LNX1: variants seen among roughly 807,000 people sequenced by gnomAD.
The protein encoded by LNX1 is E3 ubiquitin-protein ligase LNX.
LNX1 carries 54 observed loss-of-function variants against 68.4 expected under a neutral mutation model. That is an observed-to-expected ratio of 0.79 (90% CI 0.63 to 0.99). The LOEUF is 0.99. Among genes scored for constraint, LNX1 ranks in the 50% least tolerant of loss-of-function variants. The pLI is 0.00. For synonymous variants in LNX1, 336 were observed against 350.0 expected, an observed-to-expected ratio of 0.96 and a Z score of 0.45; for missense variants, 906 against 926.4, an observed-to-expected ratio of 0.98 and a Z score of 0.29.
At chr4:53,618,058 A>G (rs552261060), upstream of LNX1, among the ~76,000 whole-genome samples, 24 of 152,322 alleles carry the variant, frequency 1.6e-4, no homozygotes, top group South Asian at 5.0e-3. Context: ...TTTTATAATC[A>G]AAAGATACTG....
intron 2 of LNX1, among the ~76,000 whole-genome samples, chr4:53,545,471 C>T (rs982003038): frequency 1.3e-5 from 2 of 152,166 alleles, no homozygotes; most frequent in African/African-American, 4.8e-5. Flanking sequence ...TCCAGGCTGG[C>T]TGGATTACCT....
At chr4:53,648,181 C>T (rs1734960971) in intron 1 of LNX1, among the ~76,000 whole-genome samples, 1 of 152,206 alleles carries the variant, frequency 6.6e-6, no homozygotes, top group Non-Finnish European at 1.5e-5. Flanking sequence ...ACCACCATAC[C>T]ATGTTACACA....
intron 1 of LNX1, among the ~76,000 whole-genome samples, chr4:53,628,075 G>A (rs1347940567): frequency 1.3e-5 from 2 of 152,186 alleles, no homozygotes. Context: ...TCAAGTGGGA[G>A]TGAAAATTAA....
At chr4:53,603,246 T>C (rs563789798) in intron 2 of LNX1, among the ~76,000 whole-genome samples, 6 of 152,324 alleles carry the variant, frequency 3.9e-5, no homozygotes, top group South Asian at 4.1e-4. Flanking sequence ...GACTCCTCAC[T>C]GCATGTGAGG....
At chr4:53,582,002 G>C (rs1560679960) in intron 1 of LNX1, among the ~76,000 whole-genome samples, 1 of 152,056 alleles carries the variant, frequency 6.6e-6, no homozygotes, top group Non-Finnish European at 1.5e-5. Flanking sequence ...TAGGATTACT[G>C]AATTTTTCTG....
chr4:53,588,091 AGT>A (rs1347624558), intron 1 of LNX1, among the ~76,000 whole-genome samples: 1 of 152,262 alleles, frequency 6.6e-6, no homozygotes, highest in Non-Finnish European at 1.5e-5. Context: ...ATATAACAAT[AGT>A]TAACACTCAC....
intron 2 of LNX1, among the ~76,000 whole-genome samples, chr4:53,532,413 T>C (rs936464083): frequency 1.3e-5 from 2 of 152,034 alleles, no homozygotes; most frequent in African/African-American, 4.8e-5. Flanking sequence ...AGGCAGAGGT[T>C]GTAGTGAGCC....
intron 4 of LNX1, among the ~76,000 whole-genome samples, chr4:53,499,672 T>G (rs1316118986): frequency 6.6e-6 from 1 of 152,226 alleles, no homozygotes; most frequent in Non-Finnish European, 1.5e-5. Flanking sequence ...AATTTGCCAC[T>G]TTGCCCTCTC....
intron 2 of LNX1, among the ~76,000 whole-genome samples, chr4:53,535,171 G>A (rs993638692): frequency 2.0e-5 from 3 of 152,198 alleles, no homozygotes; most frequent in Non-Finnish European, 2.9e-5. Context: ...TGTAATCAAA[G>A]TCGTATGAGA....
intron 1 of LNX1, among the ~76,000 whole-genome samples, chr4:53,580,231 G>A (rs1343607716): frequency 2.0e-5 from 3 of 152,066 alleles, no homozygotes; most frequent in South Asian, 2.1e-4. Context: ...AAGTGCCACC[G>A]TTACCCTAGG....
intron 1 of LNX1, among the ~76,000 whole-genome samples, chr4:53,622,514 G>T (rs915197311): frequency 6.6e-6 from 1 of 151,752 alleles, no homozygotes; most frequent in Non-Finnish European, 1.5e-5. Flanking sequence ...CTCACCCCAG[G>T]GCTAGCAATG....
chr4:53,484,057 G>A (rs1724127500), intron 6 of LNX1, among the ~76,000 whole-genome samples: 1 of 152,150 alleles, frequency 6.6e-6, no homozygotes, highest in Admixed American at 6.5e-5. Flanking sequence ...ACCATGTAAG[G>A]ACAAAGTGAG....
chr4:53,632,566 G>T (rs1436327074), intron 1 of LNX1, among the ~76,000 whole-genome samples: 2 of 152,194 alleles, frequency 1.3e-5, no homozygotes, highest in African/African-American at 4.8e-5. Flanking sequence ...CATGTTCCCT[G>T]TCGGATCAGG....
intron 9 of LNX1, among the ~76,000 whole-genome samples, chr4:53,464,098 T>G (rs1488051495): frequency 6.6e-6 from 1 of 152,264 alleles, no homozygotes; most frequent in East Asian, 1.9e-4. Flanking sequence ...TGTAGGATGT[T>G]TTGAGCTCTG....
At chr4:53,601,635 G>C (rs1197116877) in intron 2 of LNX1, among the ~76,000 whole-genome samples, 1 of 152,154 alleles carries the variant, frequency 6.6e-6, no homozygotes, top group East Asian at 1.9e-4. Flanking sequence ...TGGCTGCGGG[G>C]GTTTGGCAGA....
intron 9 of LNX1, among the ~76,000 whole-genome samples, chr4:53,466,170 C>A (rs1008966510): frequency 3.3e-5 from 5 of 151,602 alleles, no homozygotes; most frequent in African/African-American, 1.2e-4. Flanking sequence ...AAAAAAATCA[C>A]ATATTATTTG....
intron 1 of LNX1, among the ~76,000 whole-genome samples, chr4:53,575,090 T>A (rs1731401518): frequency 6.6e-6 from 1 of 152,060 alleles, no homozygotes; most frequent in African/African-American, 2.4e-5. Flanking sequence ...CAAGTGATTC[T>A]CCTGCCTCAG....
At chr4:53,651,641 T>G (rs576082089) in intron 1 of LNX1, among the ~76,000 whole-genome samples, 105 of 152,328 alleles carry the variant, frequency 6.9e-4, no homozygotes, top group Middle Eastern at 3.4e-3. Context: ...AGACAGGATG[T>G]GCTGCTGGTC....
intron 2 of LNX1, chr4:53,538,986 G>C (rs139022562): frequency 3.9e-5 from 6 of 152,216 alleles, no homozygotes; most frequent in Non-Finnish European, 8.8e-5. Context: ...GAGATCTGAC[G>C]GGTTGAAGGG....
Sources: gnomAD v4.1 joint callset for allele counts (sites outside exome capture counted in the v4.1 genomes callset) on GRCh38, gnomAD v4.1.1 for gene constraint, MANE v1.5 for transcripts, NCBI Gene and HGNC (gene_info 2026-07-23, HGNC 2026-07-21) for gene names.